The following GALNT7 variants were observed in gnomAD, a reference collection of about 807,000 sequenced individuals.
GALNT7 encodes the protein N-acetylgalactosaminyltransferase 7.
Under a neutral mutation model 82.1 loss-of-function variants are expected in GALNT7, and 60 were observed. That is an observed-to-expected ratio of 0.73 (90% confidence interval 0.59 to 0.91). GALNT7 has a LOEUF of 0.91. GALNT7 is among the 40% of genes least tolerant of loss of function. GALNT7 has a pLI of 0.00. For missense variants in GALNT7, 660 were observed against 804.2 expected, an observed-to-expected ratio of 0.82 and a Z score of 2.17; for synonymous variants, 243 against 275.1, an observed-to-expected ratio of 0.88 and a Z score of 1.15.
chr4:173,295,448 G>A lies in GALNT7; in HGVS notation c.807G>A (p.Val269=). 6.2e-7 allele frequency: 1 copy of A among 1,607,406 alleles called. No homozygotes were observed. The highest frequency in any genetic ancestry group is 1.7e-5 in the Admixed American group (1 of 60,010). ...ATATTAAGCTGTGGAATGGCCTAGT[G>A]AAGGTATTTCGAAATGAAAGAAGGG... ...DEYIKLWNGL[V]KVFRNERREG... is the part of the protein sequence containing the mutation. Residue 269 remains valine, a synonymous_variant, in exon 4 of 12, where the codon GTG becomes GTA. Coordinates refer to ENST00000265000, the MANE Select transcript of GALNT7 (RefSeq NM_017423.3).
At chr4:173,294,096 C>G (rs1048958556) in intron 3 of GALNT7, among the ~76,000 whole-genome samples, 4 of 152,150 alleles carry the variant, frequency 2.6e-5, no homozygotes, top group African/African-American at 9.7e-5. Flanking sequence ...CCATTTCCCC[C>G]TTTGGTCCAT....
chr4:173,230,599 A>G (rs536794858), intron 1 of GALNT7, among the ~76,000 whole-genome samples: 2 of 152,188 alleles, frequency 1.3e-5, no homozygotes, highest in Non-Finnish European at 2.9e-5. Flanking sequence ...AAAACATTCC[A>G]TATTATTCTG....
chr4:173,251,373 T>G (rs1734840344), intron 2 of GALNT7, among the ~76,000 whole-genome samples: 1 of 152,230 alleles, frequency 6.6e-6, no homozygotes, highest in African/African-American at 2.4e-5. Context: ...GCCTGTTGGT[T>G]AGAAACCTGA....
At chr4:173,243,294 T>C (rs912821073) in intron 1 of GALNT7, among the ~76,000 whole-genome samples, 2 of 152,196 alleles carry the variant, frequency 1.3e-5, no homozygotes, top group African/African-American at 4.8e-5. Context: ...AGGTGGATGG[T>C]TACTAGCCTG....
chr4:173,261,434 G>A (rs752849298), intron 2 of GALNT7, among the ~76,000 whole-genome samples: 3 of 151,548 alleles, frequency 2.0e-5, no homozygotes, highest in Non-Finnish European at 2.9e-5. Context: ...AAGGTTGAAT[G>A]AGGCAATGTT....
intron 2 of GALNT7, among the ~76,000 whole-genome samples, chr4:173,286,656 G>C (rs925288145): frequency 6.6e-6 from 1 of 152,188 alleles, no homozygotes; most frequent in African/African-American, 2.4e-5. Flanking sequence ...CTTTAAGTAA[G>C]GCTTGCTTTA....
chr4:173,257,354 A>G (rs145503972), intron 2 of GALNT7, among the ~76,000 whole-genome samples: 2 of 152,226 alleles, frequency 1.3e-5, no homozygotes, highest in African/African-American at 4.8e-5. Context: ...TAATTGTTAT[A>G]TAACTTCTTG....
intron 1 of GALNT7, among the ~76,000 whole-genome samples, chr4:173,209,796 T>C (rs1733214023): frequency 6.6e-6 from 1 of 152,226 alleles, no homozygotes; most frequent in Non-Finnish European, 1.5e-5. Flanking sequence ...GTTTGTGACC[T>C]CAGGTGCCTT....
At chr4:173,253,779 G>T (rs924338301) in intron 2 of GALNT7, among the ~76,000 whole-genome samples, 1 of 152,138 alleles carries the variant, frequency 6.6e-6, no homozygotes, top group Non-Finnish European at 1.5e-5. Flanking sequence ...TCTGCTGCCC[G>T]GTTTAGATGA....
intron 2 of GALNT7, among the ~76,000 whole-genome samples, chr4:173,262,240 G>T (rs889074279): frequency 6.6e-6 from 1 of 152,120 alleles, no homozygotes; most frequent in African/African-American, 2.4e-5. Context: ...CTAAAAACTA[G>T]TGGTAGTTTT....
chr4:173,295,883 A>C (rs1018172232), intron 5 of GALNT7, 40 bp downstream of exon 5: 1 of 1,133,830 alleles, frequency 8.8e-7, no homozygotes, highest in Non-Finnish European at 1.3e-6. Context: ...GGTTGAAAGT[A>C]AACCTTGTCC....
chr4:173,279,852 G>C (rs1294952074), intron 2 of GALNT7, among the ~76,000 whole-genome samples: 1 of 152,072 alleles, frequency 6.6e-6, no homozygotes, highest in Non-Finnish European at 1.5e-5. Context: ...GCGCGTACCT[G>C]TAGTCCCAGC....
At chr4:173,315,404 A>G (rs1026139883) in intron 9 of GALNT7, among the ~76,000 whole-genome samples, 3 of 152,170 alleles carry the variant, frequency 2.0e-5, no homozygotes, top group African/African-American at 7.2e-5. Flanking sequence ...AGGCCTACTG[A>G]TCATAGATTG....
At chr4:173,185,311 G>A (rs931362810) in intron 1 of GALNT7, among the ~76,000 whole-genome samples, 1 of 151,886 alleles carries the variant, frequency 6.6e-6, no homozygotes, top group Non-Finnish European at 1.5e-5. Flanking sequence ...CCCATGTTAT[G>A]TACAGAGTAA....
chr4:173,295,755 T>G lies in GALNT7; in HGVS notation c.886-9T>G. 2 of 1,585,884 alleles carry G rather than the reference T, an allele frequency of 1.3e-6. No homozygotes were observed. Among genetic ancestry groups the G allele is most frequent in the Non-Finnish European group, 1.7e-6 (2 of 1,154,382 alleles). ...AGGAGTATTCTTTCACCTGCCTCTTTTTTTTAAGGTTTTGATATACCTTGA... is the reference window on the plus strand; with the variant it reads ...AGGAGTATTCTTTCACCTGCCTCTTGTTTTTAAGGTTTTGATATACCTTGA... On this transcript the variant is annotated splice_polypyrimidine_tract_variant and intron_variant, in intron 4 of 11. Coordinates refer to ENST00000265000, the MANE Select transcript of GALNT7 (RefSeq NM_017423.3).
chr4:173,191,236 T>C (rs1283085358), intron 1 of GALNT7, among the ~76,000 whole-genome samples: 1 of 150,484 alleles, frequency 6.6e-6, no homozygotes, highest in Non-Finnish European at 1.5e-5. Flanking sequence ...ATGGGGGGGG[T>C]ACTTGGCTGG....
intron 7 of GALNT7, among the ~76,000 whole-genome samples, chr4:173,303,612 C>T (rs7684968): frequency 0.034 from 5,181 of 152,038 alleles, 283 homozygotes; most frequent in African/African-American, 0.12. Context: ...AGAGAGAAGC[C>T]GAAGGTGAAG....
At chr4:173,216,725 A>ATTTT (rs1277080433) in intron 1 of GALNT7, among the ~76,000 whole-genome samples, 7 of 8,454 alleles carry the variant, frequency 8.3e-4, no homozygotes, top group East Asian at 3.4e-3. Flanking sequence ...ATATATATAT[A>ATTTT]TATTTTTTTT....
rs774668001 is a variant in GALNT7 at position 173,248,157 on chromosome 4, G to T, written c.304G>T (p.Asp102Tyr). ...TGAACAAGAGCACCATGCTGGAGGA[G>T]ATTCCCAGAAAGATATCATGCAGAG... The part of the protein sequence containing the change: ...KNEQEHHAGG[D>Y]SQKDIMQRQY... The change falls in exon 2 of 12, where the codon GAT becomes TAT. Residue 102 changes from aspartate (D) to tyrosine (Y), a missense_variant. Transcript: ENST00000265000. 1 of 1,613,800 alleles carries T rather than the reference G, an allele frequency of 6.2e-7. No individual in the cohort carries two copies. The highest frequency in any genetic ancestry group is 1.7e-5 in the Admixed American group (1 of 59,940).
Sources: gnomAD v4.1 joint callset for allele counts (sites outside exome capture counted in the v4.1 genomes callset) on GRCh38, gnomAD v4.1.1 for gene constraint, MANE v1.5 for transcripts, NCBI Gene and HGNC (gene_info 2026-07-23, HGNC 2026-07-21) for gene names.